NDRG3: variants seen among roughly 807,000 people sequenced by gnomAD.
NDRG3 encodes the protein protein NDRG3.
A neutral mutation model predicts 57.2 loss-of-function variants in NDRG3; 23 were observed. The observed-to-expected ratio is 0.40, with a 90% confidence interval of 0.29 to 0.57. NDRG3 has a LOEUF of 0.57. Ranked by LOEUF, NDRG3 falls within the 20% of genes least tolerant of loss-of-function variation. The pLI is 0.42. For missense variants in NDRG3, 384 were observed against 457.3 expected, an observed-to-expected ratio of 0.84 and a Z score of 1.46; for synonymous variants, 132 against 162.6, an observed-to-expected ratio of 0.81 and a Z score of 1.43.
chr20:36,663,539 G>C (rs1172309942), intron 12 of NDRG3, among the ~76,000 whole-genome samples: 2 of 152,074 alleles, frequency 1.3e-5, no homozygotes, highest in African/African-American at 4.8e-5. Flanking sequence ...AATTAAAACA[G>C]TGAGATACTA....
rs757464751 is a variant in NDRG3, at chr20:36,653,582, G to A, written c.1066C>T (p.Gln356Ter). 1 of 1,614,098 alleles carries A rather than the reference G, an allele frequency of 6.2e-7. No individual in the cohort carries two copies. The highest frequency in any genetic ancestry group is 8.5e-7 in the Non-Finnish European group (1 of 1,180,036). Residue 356 changes from glutamine (Q) to a stop codon, truncating the protein, a stop_gained, in exon 16 of 16, where the codon CAA (glutamine) becomes TAA (stop). Transcript: ENST00000349004. LOFTEE classifies it high-confidence loss of function. The surrounding 1 kb of genome is among the most constrained non-coding windows in gnomAD (Gnocchi z 4.2). ...ACATCAGGGGACTCACAGGATTCTT[G>A]AGTTCCATCTGACTGATTGCTGGTG... ...SVTSNQSDGT[Q>*]ESCESPDVLD...
intron 1 of NDRG3, among the ~76,000 whole-genome samples, chr20:36,729,853 T>A (rs1985169905): frequency 6.6e-6 from 1 of 152,090 alleles, no homozygotes; most frequent in Non-Finnish European, 1.5e-5. Flanking sequence ...TCAATAGAGA[T>A]CAGTGAGGAT....
chr20:36,679,313 A>C (rs1175576542), intron 8 of NDRG3, among the ~76,000 whole-genome samples: 2 of 152,166 alleles, frequency 1.3e-5, no homozygotes, highest in Non-Finnish European at 2.9e-5. Flanking sequence ...CTAAACATAC[A>C]AATGCCCTAT....
At chr20:36,666,042 G>C (rs1979604273) in intron 10 of NDRG3, among the ~76,000 whole-genome samples, 1 of 152,152 alleles carries the variant, frequency 6.6e-6, no homozygotes, top group Non-Finnish European at 1.5e-5. Context: ...CTGTTATACA[G>C]AGGAAAGAGC....
In NDRG3 at chr20:36,725,226, G is replaced by A. The variant is rs1984850917; in HGVS notation, c.-48-3443C>T. On this transcript the variant is annotated intron_variant, in intron 1 of 15. Transcript: ENST00000349004. ...GCAGGAGAATTGCTTGATCCTTGGA[G>A]GTGGAGGTTGCAGTAAGCTGAGATT... Among the ~76,000 whole-genome samples the A allele has an allele frequency of 2.6e-5, 4 of 152,138 alleles. No individual in the cohort carries two copies. The South Asian group carries it at 8.3e-4, about 31-fold the overall frequency.
chr20:36,675,052 A>C (rs1386189697), intron 8 of NDRG3, among the ~76,000 whole-genome samples: 1 of 146,692 alleles, frequency 6.8e-6, no homozygotes, highest in Non-Finnish European at 1.5e-5. Context: ...GTGCCACCAC[A>C]ACTGGCATTT....
chr20:36,696,842 C>G (rs1982837739), intron 3 of NDRG3, among the ~76,000 whole-genome samples: 1 of 152,178 alleles, frequency 6.6e-6, no homozygotes, highest in Non-Finnish European at 1.5e-5. Context: ...TGTAATCCTT[C>G]CGGACTTTTA....
chr20:36,736,908 C>G (rs1985638037), intron 1 of NDRG3, among the ~76,000 whole-genome samples: 1 of 152,098 alleles, frequency 6.6e-6, no homozygotes, highest in Non-Finnish European at 1.5e-5. Flanking sequence ...CACAGATCCT[C>G]ACTGTAACAG....
intron 9 of NDRG3, chr20:36,668,801 G>A (rs181216204): frequency 2.6e-5 from 4 of 151,062 alleles, no homozygotes; most frequent in African/African-American, 9.7e-5. Context: ...GTTATATATA[G>A]AGAGAGATAA....
Position 36,722,167 on chromosome 20 carries a change from G to T in NDRG3, c.-48-384C>A, listed in dbSNP as rs6101949. Among the ~76,000 whole-genome samples, 985 of 152,210 alleles carry T rather than the reference G, an allele frequency of 6.5e-3. 11 individuals are homozygous for T. Among genetic ancestry groups the T allele is most frequent in the African/African-American group, 0.022 (924 of 41,532 alleles). ...AGAGGCAAGCTGATGTGCTGTGAGAGGGCCACGTAACAAGTAACTGAGAGC... is the reference window on the plus strand; with the variant it reads ...AGAGGCAAGCTGATGTGCTGTGAGATGGCCACGTAACAAGTAACTGAGAGC... On this transcript the variant is annotated intron_variant, in intron 1 of 15. Transcript: ENST00000349004.
At chr20:36,700,435 C>T in intron 3 of NDRG3, 1 of 532,194 alleles carries the variant, frequency 1.9e-6, no homozygotes. Flanking sequence ...AAGCACTCAC[C>T]TCCATGGTGA....
chr20:36,729,429 T>C (rs930712369), intron 1 of NDRG3, among the ~76,000 whole-genome samples: 2 of 152,208 alleles, frequency 1.3e-5, no homozygotes, highest in Admixed American at 1.3e-4. Flanking sequence ...TATGATCAGT[T>C]TTAAGTGATG....
intron 1 of NDRG3, among the ~76,000 whole-genome samples, chr20:36,727,283 G>A (rs1341981995): frequency 2.0e-5 from 3 of 148,976 alleles, no homozygotes; most frequent in Non-Finnish European, 4.5e-5. Flanking sequence ...GCAGTGGCAC[G>A]ATCTCAGCTC....
rs1391820154 is a variant in NDRG3 at position 36,688,777 on chromosome 20, T to A, written c.101A>T (p.Asp34Val). The A allele has an allele frequency of 1.2e-6, 2 of 1,612,452 alleles. No homozygotes were observed. The highest frequency in any genetic ancestry group is 1.7e-6 in the Non-Finnish European group (2 of 1,178,594). ...NFQDFDCQEH[D>V]IETTHGVVHV... is the part of the protein sequence containing the mutation. ...GACCACACCATGAGTTGTTTCTATA[T>A]CATGTTCCTGTAACAAGAGAATGTA... Residue 34 changes from aspartate to valine, a missense_variant, in exon 4 of 16, where the codon GAT (aspartate) becomes GTT (valine). Coordinates refer to ENST00000349004, the MANE Select transcript of NDRG3 (RefSeq NM_032013.4).
chr20:36,669,101 T>C (rs2148052026), intron 9 of NDRG3, among the ~76,000 whole-genome samples: 1 of 151,876 alleles, frequency 6.6e-6, no homozygotes, highest in African/African-American at 2.4e-5. Context: ...TTGTTGCCCA[T>C]GCTGGAGTGC....
intron 1 of NDRG3, among the ~76,000 whole-genome samples, chr20:36,744,399 G>T (rs1312572755): frequency 1.3e-5 from 2 of 152,106 alleles, no homozygotes; most frequent in South Asian, 2.1e-4. Flanking sequence ...AAAAGGGGGG[G>T]TGGAAATTAA....
intron 1 of NDRG3, among the ~76,000 whole-genome samples, chr20:36,725,365 G>A (rs779540516): frequency 1.3e-5 from 2 of 151,344 alleles, no homozygotes; most frequent in African/African-American, 2.4e-5. Flanking sequence ...ATCCCAGCAC[G>A]CTGGGAGGCC....
intron 5 of NDRG3, among the ~76,000 whole-genome samples, chr20:36,686,962 C>T (rs943578894): frequency 1.3e-5 from 2 of 151,972 alleles, no homozygotes; most frequent in Non-Finnish European, 2.9e-5. Context: ...TCAAGTGATC[C>T]TCCCACAACA....
At chr20:36,721,443 T>TGCTTGAACCAGG (rs1185701830) in intron 2 of NDRG3, among the ~76,000 whole-genome samples, 1 of 151,584 alleles carries the variant, frequency 6.6e-6, no homozygotes, top group African/African-American at 2.4e-5. Flanking sequence ...GCAAGAGAAT[T>TGCTTGAACCAGG]GCTTGAACCA....
Sources: allele counts gnomAD v4.1 joint callset (sites outside exome capture counted in the v4.1 genomes callset), GRCh38; gene constraint gnomAD v4.1.1; non-coding constraint Gnocchi (gnomAD v3.1); transcripts MANE v1.5; gene names NCBI Gene and HGNC (gene_info 2026-07-23, HGNC 2026-07-21).